DMXL2: variants seen among roughly 807,000 people sequenced by gnomAD.
DMXL2 encodes dmX-like protein 2.
In DMXL2, 103 loss-of-function variants were observed where a neutral mutation model predicts 331.1. The ratio of observed to expected loss-of-function variants is 0.31; its 90% CI spans 0.27 to 0.37. The LOEUF is 0.37. Among genes scored for constraint, DMXL2 ranks in the 10% least tolerant of loss-of-function variants. The pLI is 1.00. For missense variants in DMXL2, 3,171 were observed against 3,642.9 expected (o/e 0.87, Z 3.33); for synonymous variants, 1,281 against 1,252.1 (o/e 1.02, Z -0.49).
intron 6 of DMXL2, among the ~76,000 whole-genome samples, chr15:51,551,331 T>G (rs1164342163): frequency 6.6e-6 from 1 of 152,116 alleles, no homozygotes; most frequent in Non-Finnish European, 1.5e-5. Context: ...ATAAGCAGCT[T>G]AGGGAGACGT....
intron 2 of DMXL2, among the ~76,000 whole-genome samples, chr15:51,569,270 T>C (rs2050498721): frequency 6.6e-6 from 1 of 152,278 alleles, no homozygotes; most frequent in South Asian, 2.1e-4. Context: ...GCATCCGCCA[T>C]TGCTGAGGCT....
chr15:51,610,949 A>C (rs2053924434), intron 1 of DMXL2, among the ~76,000 whole-genome samples: 1 of 152,164 alleles, frequency 6.6e-6, no homozygotes, highest in Non-Finnish European at 1.5e-5. Flanking sequence ...TTATGAGTGC[A>C]TGGTTTTAAA....
At chr15:51,464,182 G>A (rs1939315944) in intron 32 of DMXL2, among the ~76,000 whole-genome samples, 1 of 152,170 alleles carries the variant, frequency 6.6e-6, no homozygotes, top group Admixed American at 6.5e-5. Context: ...ACCAGGGACT[G>A]CTTGAGCCTA....
At chr15:51,596,489 C>T (rs1395440038) in intron 1 of DMXL2, among the ~76,000 whole-genome samples, 3 of 152,186 alleles carry the variant, frequency 2.0e-5, no homozygotes, top group Non-Finnish European at 4.4e-5. Flanking sequence ...TAAACTAGTT[C>T]GACCATTGTG....
intron 1 of DMXL2, among the ~76,000 whole-genome samples, chr15:51,586,188 T>C (rs573387651): frequency 6.6e-6 from 1 of 152,200 alleles, no homozygotes; most frequent in Non-Finnish European, 1.5e-5. Flanking sequence ...AAGTCAATGA[T>C]GAGTACGGAA....
At chr15:51,520,172 A>G (rs954226891) in intron 13 of DMXL2, among the ~76,000 whole-genome samples, 2 of 152,282 alleles carry the variant, frequency 1.3e-5, no homozygotes, top group East Asian at 3.9e-4. Context: ...AGTTGCTGTT[A>G]TCTCTACCTG....
At position 51,449,117 on chromosome 15, in the gene DMXL2, A is replaced by G. The variant is rs555894284; in HGVS notation, c.9044T>C (p.Ile3015Thr). The G allele has an allele frequency of 1.5e-4, 250 of 1,614,196 alleles. 2 individuals carry two copies. In the South Asian group the frequency reaches 2.4e-3, roughly 15 times the overall value. The change falls in exon 44 of 44, where the codon ATT (isoleucine) becomes ACT (threonine). Residue 3015 changes from isoleucine (I) to threonine (T), a missense_variant. Ile to Thr is a moderately conservative substitution (Grantham distance 89). Transcript: ENST00000560891. Reference protein sequence around the residue: ...EHAKQSIFRNIGAGVMQIDII... With the variant: ...EHAKQSIFRNTGAGVMQIDII... ...GTCAATCTGCATGACTCCAGCCCCA[A>G]TGTTTCGAAATATGGACTGCTTAGC...
At chr15:51,468,925 G>C in intron 29 of DMXL2, among the ~76,000 whole-genome samples, 1 of 151,984 alleles carries the variant, frequency 6.6e-6, no homozygotes, top group East Asian at 1.9e-4. Context: ...AATTCTTTCA[G>C]GGCAAACGAA....
At chr15:51,576,259 C>T in intron 1 of DMXL2, 78 bp from the exon 2 acceptor site, 2 of 1,103,894 alleles carry the variant, frequency 1.8e-6, no homozygotes, top group Non-Finnish European at 2.4e-6. Flanking sequence ...ACTATTTTAT[C>T]TTAGATTTTA....
chr15:51,458,918 C>T (rs1012019776), intron 34 of DMXL2, 123 bp from the exon 35 acceptor site: 4 of 713,232 alleles, frequency 5.6e-6, no homozygotes, highest in Non-Finnish European at 9.1e-6. Flanking sequence ...GCAGCAGCAG[C>T]AAGAAAAAAG....
intron 29 of DMXL2, 67 bp from the exon 30 acceptor site, chr15:51,466,378 TATAAC>T: frequency 1.9e-6 from 1 of 539,774 alleles, no homozygotes; most frequent in Non-Finnish European, 2.6e-6. Context: ...ATATATTTTA[TATAAC>T]ATGTATTATA....
At position 51,486,093 on chromosome 15, in the gene DMXL2, T is replaced by A; in HGVS notation, c.5462A>T (p.Lys1821Met). The A allele has an allele frequency of 1.2e-6, 2 of 1,609,522 alleles. No individual in the cohort carries two copies. Among genetic ancestry groups the A allele is most frequent in the Non-Finnish European group, 1.7e-6 (2 of 1,176,844 alleles). Residue 1821 changes from lysine (K) to methionine (M), a missense_variant, in exon 23 of 44, where the codon AAG (lysine) becomes ATG (methionine). Coordinates refer to ENST00000560891, the MANE Select transcript of DMXL2 (RefSeq NM_001378457.1). ...ALDTLLEQTP[K>M]EDDEHQVIIK... is the part of the protein sequence containing the mutation. The stretch of plus-strand genomic sequence containing the variant: ...CCTACCTTGATGTTCATCATCCTCC[T>A]TTGGTGTTTGTTCCAGTAATGTGTC...
chr15:51,533,703 T>C (rs1229862339), intron 13 of DMXL2, among the ~76,000 whole-genome samples: 3 of 152,178 alleles, frequency 2.0e-5, no homozygotes, highest in African/African-American at 7.2e-5. Context: ...ATAGAAAGAC[T>C]GTATTTTATT....
Position 51,537,358 on chromosome 15 carries a change from G to C in DMXL2, c.1617+130C>G, listed in dbSNP as rs188372196. The C allele has an allele frequency of 6.8e-5, 54 of 789,546 alleles. No individual in the cohort carries two copies. The Admixed American group carries it at 1.2e-3, about 17-fold the overall frequency. 48.9% of individuals were successfully genotyped at this position (789,546 alleles called of 1,614,324 possible). A position where few individuals can be genotyped will look rare whatever the true frequency, so the allele number is the denominator to read the frequency against. On this transcript the variant is annotated intron_variant, in intron 11 of 43. Transcript: ENST00000560891. ...CACTGATCCCTTCTGAAAGAAAGAA[G>C]TATTCTTTACTCAGATGCTTATCAA...
chr15:51,458,682 A>G (rs765677965), intron 35 of DMXL2, 27 bp downstream of exon 35: 21 of 1,613,594 alleles, frequency 1.3e-5, no homozygotes, highest in Non-Finnish European at 1.8e-5. Flanking sequence ...GGAGAAATAC[A>G]CTGTGTATAA....
chr15:51,605,087 A>G (rs2053487289), intron 1 of DMXL2, among the ~76,000 whole-genome samples: 1 of 152,266 alleles, frequency 6.6e-6, no homozygotes, highest in Non-Finnish European at 1.5e-5. Flanking sequence ...TTAACTCAAA[A>G]TGAATCATAG....
At position 51,499,957 on chromosome 15, in the gene DMXL2, A is replaced by G. The variant is rs761722080; in HGVS notation, c.3267T>C (p.Pro1089=). The change falls in exon 18 of 44, where the codon CCT becomes CCC. Residue 1089 remains proline, a synonymous_variant. Transcript: ENST00000560891. ...TAGAAACAAAACCATTATGGTGGAT[A>G]GGCTGCTTATAAGCCACTGCAAGGC... ...TGRLAVAYKQ[P]IHHNGFVSKE... is the part of the protein sequence containing the mutation. 6.2e-6 allele frequency: 10 copies of G among 1,614,052 alleles called. No homozygotes were observed. The highest frequency in any genetic ancestry group is 8.5e-6 in the Non-Finnish European group (10 of 1,179,968).
At position 51,499,365 on chromosome 15, in the gene DMXL2, T is replaced by C. The variant is rs35167754; in HGVS notation, c.3859A>G (p.Ser1287Gly). Reference protein sequence around the residue: ...AVKFGDTEADSSNAEEAAMQD... With the variant: ...AVKFGDTEADGSNAEEAAMQD... ...ATTGCTGCCTCTTCTGCATTAGAAC[T>C]ATCAGCTTCAGTGTCTCCAAATTTG... The change falls in exon 18 of 44, where the codon AGT (serine) becomes GGT (glycine). Residue 1287 changes from serine (S) to glycine (G), a missense_variant. Ser to Gly is a moderately conservative substitution (Grantham distance 56). Coordinates refer to ENST00000560891, the MANE Select transcript of DMXL2 (RefSeq NM_001378457.1). 5.8e-4 allele frequency: 930 copies of C among 1,613,790 alleles called. 5 individuals are homozygous for C. Among genetic ancestry groups the C allele is most frequent in the Admixed American group, 3.3e-4 (20 of 59,994 alleles).
At chr15:51,456,619 C>G (rs917160528) in intron 37 of DMXL2, among the ~76,000 whole-genome samples, 7 of 152,164 alleles carry the variant, frequency 4.6e-5, no homozygotes, top group Admixed American at 2.6e-4. Flanking sequence ...AGGAACTCTT[C>G]TTCAAGTGCC....
Sources: gnomAD v4.1 joint callset for allele counts (sites outside exome capture counted in the v4.1 genomes callset) on GRCh38, gnomAD v4.1.1 for gene constraint, MANE v1.5 for transcripts, NCBI Gene and HGNC (gene_info 2026-07-23, HGNC 2026-07-21) for gene names.